The following PTPN21 variants were observed in gnomAD, a reference collection of about 807,000 sequenced individuals.
PTPN21 encodes protein tyrosine phosphatase non-receptor type 21.
In PTPN21, 77 loss-of-function variants were observed where a neutral mutation model predicts 131.8. The observed-to-expected ratio is 0.58, with a 90% CI of 0.49 to 0.71. PTPN21 has a LOEUF of 0.71. PTPN21 is among the 30% of genes least tolerant of loss of function. The pLI, the probability that PTPN21 is intolerant of heterozygous loss-of-function variation, is 0.00. For missense variants in PTPN21, 1,552 were observed against 1,527.1 expected (o/e 1.02, Z -0.27); for synonymous variants, 715 against 621.3 (o/e 1.15, Z -2.24).
At chr14:88,481,525 T>C (rs2077652833) in intron 12 of PTPN21, among the ~76,000 whole-genome samples, 2 of 152,094 alleles carry the variant, frequency 1.3e-5, no homozygotes, top group African/African-American at 2.4e-5. Context: ...GAGACTGTTA[T>C]GTGGAAAAGG....
rs777375292 is a variant in PTPN21, at chr14:88,504,498, G to A, written c.517-3C>T. The A allele has an allele frequency of 1.2e-6, 2 of 1,611,156 alleles. No individual in the cohort carries two copies. Among genetic ancestry groups the A allele is most frequent in the African/African-American group, 1.3e-5 (1 of 74,938 alleles). ...ACTTTTTCATCTTGTAACCATCCCT[G>A]AAGAAAACACACAGTGGTAAGTATG... On this transcript the variant is annotated splice_region_variant and splice_polypyrimidine_tract_variant and intron_variant, in intron 5 of 18. Transcript: ENST00000556564.
chr14:88,476,503 TC>T (rs933027542), intron 13 of PTPN21, among the ~76,000 whole-genome samples: 1 of 152,080 alleles, frequency 6.6e-6, no homozygotes, highest in Non-Finnish European at 1.5e-5. Context: ...TAAAAGCAAA[TC>T]TTTGGTTAAA....
At chr14:88,493,194 A>T (rs539686333) in intron 10 of PTPN21, 6 of 405,914 alleles carry the variant, frequency 1.5e-5, no homozygotes, top group South Asian at 1.1e-4. Context: ...CTCTCAGTAT[A>T]ATGCTTGACA....
At chr14:88,473,897 G>C (rs1181369132) in intron 13 of PTPN21, 95 bp from the exon 14 acceptor site, 2 of 1,107,576 alleles carry the variant, frequency 1.8e-6, no homozygotes, top group Non-Finnish European at 2.6e-6. Context: ...ACACACAGAG[G>C]GAGTGTTCTC....
chr14:88,517,652 G>GTATATATACAGGTGTAGATATACA (rs6145435), intron 2 of PTPN21, among the ~76,000 whole-genome samples: 1 of 139,218 alleles, frequency 7.2e-6, no homozygotes, highest in South Asian at 2.3e-4. Context: ...TCATATATAT[G>GTATATATACAGGTGTAGATATACA]TATATATACA....
At chr14:88,477,962 G>GA (rs1291712144) in intron 13 of PTPN21, among the ~76,000 whole-genome samples, 1 of 152,214 alleles carries the variant, frequency 6.6e-6, no homozygotes, top group African/African-American at 2.4e-5. Flanking sequence ...CTTCAATGCA[G>GA]AACATACATC....
At chr14:88,535,007 T>C (rs2078609592) in intron 2 of PTPN21, among the ~76,000 whole-genome samples, 1 of 152,148 alleles carries the variant, frequency 6.6e-6, no homozygotes, top group Non-Finnish European at 1.5e-5. Flanking sequence ...CACAGCAACT[T>C]TTAGTTCTGC....
In PTPN21 at chr14:88,473,686, G is replaced by C. The variant is rs779981614; in HGVS notation, c.2628C>G (p.Thr876=). The C allele has an allele frequency of 6.2e-7, 1 of 1,613,012 alleles. No homozygotes were observed. Among genetic ancestry groups the C allele is most frequent in the South Asian group, 1.1e-5 (1 of 90,816 alleles). Residue 876 remains threonine (T), a synonymous_variant, in exon 14 of 19, where the codon ACC becomes ACG. Transcript: ENST00000556564. ...PLPDEGKEVA[T]RATNDERCKI... ...ATACCCTTTCATCATTCGTTGCTCTGGTAGCCACTTCCTTTCCTTCATCAG... is the reference window on the plus strand; with the variant it reads ...ATACCCTTTCATCATTCGTTGCTCTCGTAGCCACTTCCTTTCCTTCATCAG...
At chr14:88,495,783 C>T (rs898077828) in intron 10 of PTPN21, among the ~76,000 whole-genome samples, 2 of 152,036 alleles carry the variant, frequency 1.3e-5, no homozygotes, top group Non-Finnish European at 2.9e-5. Flanking sequence ...ATCAGTACTG[C>T]GGAGCGGTCA....
chr14:88,510,915 ATT>A (rs34231515), intron 3 of PTPN21, among the ~76,000 whole-genome samples: 6 of 144,312 alleles, frequency 4.2e-5, no homozygotes, highest in Admixed American at 6.9e-5. Context: ...AGACAGATAG[ATT>A]TTTTTTTTTT....
At chr14:88,501,018 C>T (rs2078000027) in intron 7 of PTPN21, 147 bp from the exon 8 acceptor site, 3 of 663,204 alleles carry the variant, frequency 4.5e-6, no homozygotes, top group East Asian at 5.3e-5. Flanking sequence ...TGAATGAGAT[C>T]TATGATCTTA....
intron 13 of PTPN21, among the ~76,000 whole-genome samples, chr14:88,477,466 A>AAAAAAG: frequency 6.7e-6 from 1 of 149,722 alleles, no homozygotes; most frequent in Non-Finnish European, 1.5e-5. Context: ...AAAAAAAAAA[A>AAAAAAG]AAAAGCAAAT....
intron 2 of PTPN21, among the ~76,000 whole-genome samples, chr14:88,544,780 G>A (rs893776739): frequency 1.3e-5 from 2 of 152,022 alleles, no homozygotes; most frequent in Non-Finnish European, 1.5e-5. Context: ...GAATTTGTCT[G>A]GTCCTGGAGG....
chr14:88,545,352 T>C (rs1767329621), intron 2 of PTPN21, among the ~76,000 whole-genome samples: 4 of 152,164 alleles, frequency 2.6e-5, no homozygotes, highest in Non-Finnish European at 2.9e-5. Context: ...CGAGCTAGAT[T>C]AAATCAGGTC....
At chr14:88,487,297 T>C (rs1340672665) in intron 10 of PTPN21, among the ~76,000 whole-genome samples, 1 of 152,208 alleles carries the variant, frequency 6.6e-6, no homozygotes. Flanking sequence ...TCCTGGTTCA[T>C]GTACTTATGT....
intron 3 of PTPN21, chr14:88,512,225 A>C (rs1270336206): frequency 6.6e-6 from 1 of 152,220 alleles, no homozygotes; most frequent in Non-Finnish European, 1.5e-5. Flanking sequence ...ACTTCAGTAC[A>C]TATCCCTAAA....
At position 88,522,427 on chromosome 14, in the gene PTPN21, C is replaced by CAAA. The variant is rs1177147324; in HGVS notation, c.181-5169_181-5167dup. 5.2e-4 allele frequency among the ~76,000 whole-genome samples: 22 copies of CAAA among 42,032 alleles called. 6 individuals carry two copies. Among genetic ancestry groups the CAAA allele is most frequent in the East Asian group, 1.5e-3 (2 of 1,326 alleles). 27.6% of individuals were successfully genotyped at this position (42,032 alleles called of 152,430 possible). ...CCTGGGCGACAGAGCAAGACTGTCT[C>CAAA]AAAAAAAAAAAAAAAAGAAAAAAAG... On this transcript the variant is annotated intron_variant, in intron 2 of 18. Transcript: ENST00000556564.
intron 2 of PTPN21, among the ~76,000 whole-genome samples, chr14:88,524,821 C>A (rs2078450297): frequency 6.6e-6 from 1 of 152,018 alleles, no homozygotes; most frequent in African/African-American, 2.4e-5. Flanking sequence ...GGGAGGCTCA[C>A]TTGGGCCCAG....
rs2077427490 is a variant in PTPN21, at chr14:88,469,735, T to C, written c.3001-2A>G. On this transcript the variant is annotated splice_acceptor_variant, in intron 16 of 18. Coordinates refer to ENST00000556564, the MANE Select transcript of PTPN21 (RefSeq NM_007039.4). LOFTEE classifies it high-confidence loss of function. The surrounding 1 kb of genome is among the most constrained non-coding windows in gnomAD (Gnocchi z 4.3). ...AAAGCTCTTCTCCCTTCCACCCTCC[T>C]GTTAAAGATGAGCATGGTTAAATGA... 6.2e-7 allele frequency: 1 copy of C among 1,613,820 alleles called. No homozygotes were observed. Among genetic ancestry groups the C allele is most frequent in the Non-Finnish European group, 8.5e-7 (1 of 1,179,720 alleles).
Sources: gnomAD v4.1 joint callset for allele counts (sites outside exome capture counted in the v4.1 genomes callset) on GRCh38, gnomAD v4.1.1 for gene constraint, Gnocchi (gnomAD v3.1) non-coding constraint, MANE v1.5 for transcripts, NCBI Gene and HGNC (gene_info 2026-07-23, HGNC 2026-07-21) for gene names.